The following BPTF variants were observed in gnomAD, a reference collection of about 807,000 sequenced individuals.
The protein encoded by BPTF is bromodomain PHD finger transcription factor, also known as nucleosome-remodeling factor subunit BPTF.
Under a neutral mutation model 292.5 loss-of-function variants are expected in BPTF, and 18 were observed. The observed-to-expected ratio is 0.06, with a 90% CI of 0.04 to 0.09. The LOEUF (loss-of-function observed/expected upper bound fraction) is 0.09. Ranked by LOEUF, BPTF falls within the 10% of genes least tolerant of loss-of-function variation. BPTF has a pLI of 1.00. For missense variants in BPTF, 2,726 were observed against 3,498.7 expected (o/e 0.78, Z 5.57); for synonymous variants, 1,225 against 1,251.9 (o/e 0.98, Z 0.45).
chr17:67,828,515 T>TA (rs2056332611), intron 1 of BPTF, among the ~76,000 whole-genome samples: 1 of 152,218 alleles, frequency 6.6e-6, no homozygotes, highest in Non-Finnish European at 1.5e-5. Context: ...TTACTTTTGA[T>TA]ACTTTTGTGA....
chr17:67,833,679 C>T lies in BPTF; in HGVS notation c.613+7342C>T, dbSNP rs186642419. 4.3e-3 allele frequency among the ~76,000 whole-genome samples: 659 copies of T among 152,014 alleles called. 2 individuals are homozygous for T. The highest frequency in any genetic ancestry group is 4.4e-3 in the Non-Finnish European group (300 of 67,998). ...TGCCTTCTGGGTTCAAGTGATTCTC[C>T]TGTCTCAGCCTCCTGAGTAGCTGGG... is the stretch of plus-strand genomic sequence containing the variant. On this transcript the variant is annotated intron_variant, in intron 1 of 27. Coordinates refer to ENST00000306378, the MANE Select transcript of BPTF (RefSeq NM_182641.4).
chr17:67,859,843 C>T (rs377685980), intron 2 of BPTF, among the ~76,000 whole-genome samples: 2 of 152,190 alleles, frequency 1.3e-5, no homozygotes, highest in African/African-American at 2.4e-5. Context: ...TATCAGTCTA[C>T]GAAACAGCAT....
rs777528502 is a variant in BPTF at position 67,911,909 on chromosome 17, C to T, written c.4025C>T (p.Thr1342Ile). ...TGTGAGTTGGTTTCTGGTGAGTCCA[C>T]TGGAAACTGTGAGGACAGGCTGCCG... The part of the protein sequence containing the change: ...LKCELVSGES[T>I]GNCEDRLPVK... Residue 1342 changes from threonine to isoleucine, a missense_variant, in exon 11 of 28, where the codon ACT becomes ATT. Thr to Ile is a moderately conservative substitution (Grantham distance 89, BLOSUM62 -1). Transcript: ENST00000306378. 6.2e-7 allele frequency: 1 copy of T among 1,613,890 alleles called. No homozygotes were observed. The highest frequency in any genetic ancestry group is 1.7e-5 in the Admixed American group (1 of 59,966).
At chr17:67,946,424 A>C in intron 21 of BPTF, 99 bp downstream of exon 21, 1 of 1,482,718 alleles carries the variant, frequency 6.7e-7, no homozygotes, top group African/African-American at 1.4e-5. Flanking sequence ...TAAATGAGAC[A>C]AAGTCATTAA....
intron 7 of BPTF, among the ~76,000 whole-genome samples, chr17:67,900,033 G>A (rs1040533052): frequency 1.3e-5 from 2 of 152,098 alleles, no homozygotes; most frequent in Admixed American, 6.6e-5. Context: ...AAATTTTAAT[G>A]AAGCAGAAGA....
chr17:67,882,125 G>A (rs1018407076), intron 4 of BPTF, among the ~76,000 whole-genome samples: 13 of 152,056 alleles, frequency 8.5e-5, no homozygotes, highest in Non-Finnish European at 1.8e-4. Context: ...GTGAGCTACC[G>A]TGCTGGCCGG....
chr17:67,890,221 A>G (rs191464867), intron 4 of BPTF, among the ~76,000 whole-genome samples: 23 of 152,312 alleles, frequency 1.5e-4, no homozygotes, highest in African/African-American at 5.3e-4. Flanking sequence ...AGGGAATTTT[A>G]TTGACATACA....
chr17:67,840,359 G>A (rs1371086697), intron 1 of BPTF, among the ~76,000 whole-genome samples: 1 of 151,872 alleles, frequency 6.6e-6, no homozygotes, highest in Non-Finnish European at 1.5e-5. Flanking sequence ...CACCTGCCTC[G>A]GCCTCTCAAG....
At chr17:67,884,948 T>C (rs771040209) in intron 4 of BPTF, among the ~76,000 whole-genome samples, 2 of 152,196 alleles carry the variant, frequency 1.3e-5, no homozygotes, top group Non-Finnish European at 2.9e-5. Context: ...TATAGTTTTA[T>C]TTTACATTTC....
intron 25 of BPTF, chr17:67,965,722 A>T (rs2068026553): frequency 6.6e-6 from 1 of 151,334 alleles, no homozygotes; most frequent in African/African-American, 2.4e-5. Flanking sequence ...GAATAACAGG[A>T]TAGGGATGGT....
At chr17:67,948,657 C>T (rs533150202) in intron 23 of BPTF, among the ~76,000 whole-genome samples, 9 of 152,174 alleles carry the variant, frequency 5.9e-5, no homozygotes, top group African/African-American at 1.9e-4. Context: ...AGTGAAGTAA[C>T]GTTGAAAGAA....
intron 20 of BPTF, 48 bp from the exon 21 acceptor site, chr17:67,945,361 G>A (rs2065726436): frequency 6.4e-7 from 1 of 1,555,396 alleles, no homozygotes; most frequent in Admixed American, 1.9e-5. Flanking sequence ...TTTAACCACA[G>A]TTTTATGTTC....
intron 20 of BPTF, 125 bp downstream of exon 20, chr17:67,944,497 G>T: frequency 3.8e-6 from 4 of 1,040,220 alleles, no homozygotes; most frequent in Non-Finnish European, 5.6e-6. Flanking sequence ...GACCTCAACA[G>T]TTGACATAGT....
At chr17:67,864,835 C>T (rs971164009) in intron 2 of BPTF, among the ~76,000 whole-genome samples, 4 of 151,990 alleles carry the variant, frequency 2.6e-5, no homozygotes, top group African/African-American at 9.7e-5. Flanking sequence ...GACAGAGTCT[C>T]GCTCTGTCAC....
At chr17:67,896,918 G>A (rs1401140549) in intron 7 of BPTF, among the ~76,000 whole-genome samples, 3 of 152,074 alleles carry the variant, frequency 2.0e-5, no homozygotes, top group Admixed American at 6.6e-5. Context: ...TATTAAAGAT[G>A]AGCAAATATG....
chr17:67,966,036 C>G (rs1167433311), intron 25 of BPTF: 1 of 154,964 alleles, frequency 6.5e-6, no homozygotes, highest in Non-Finnish European at 1.4e-5. Flanking sequence ...GCCTGAATGA[C>G]AGAGCGAGAC....
At chr17:67,828,329 TA>T (rs1436926836) in intron 1 of BPTF, among the ~76,000 whole-genome samples, 1 of 152,156 alleles carries the variant, frequency 6.6e-6, no homozygotes, top group East Asian at 1.9e-4. Context: ...CTGAATTGCA[TA>T]CACCCCTGGA....
At chr17:67,910,183 G>A (rs2062557223) in intron 10 of BPTF, among the ~76,000 whole-genome samples, 1 of 152,170 alleles carries the variant, frequency 6.6e-6, no homozygotes, top group Admixed American at 6.5e-5. Context: ...CATCCATGTT[G>A]TAGCATTTAT....
In BPTF at chr17:67,899,950, A is replaced by T. The variant is rs145065851; in HGVS notation, c.2544-3839A>T. ...AGTATTGATTGCCAGGGAGTTGGAC[A>T]CACAAGCATCTGATGTATTGGTTGT... is the stretch of plus-strand genomic sequence containing the variant. On this transcript the variant is annotated intron_variant, in intron 7 of 27. Coordinates refer to ENST00000306378, the MANE Select transcript of BPTF (RefSeq NM_182641.4). Among the ~76,000 whole-genome samples, 384 of 152,330 alleles carry T rather than the reference A, an allele frequency of 2.5e-3. 2 individuals carry two copies. The highest frequency in any genetic ancestry group is 8.7e-3 in the African/African-American group (362 of 41,576).
Sources: gnomAD v4.1 joint callset for allele counts (sites outside exome capture counted in the v4.1 genomes callset) on GRCh38, gnomAD v4.1.1 for gene constraint, MANE v1.5 for transcripts, NCBI Gene and HGNC (gene_info 2026-07-23, HGNC 2026-07-21) for gene names.